The following ARMC8 variants were observed in gnomAD, a reference collection of about 807,000 sequenced individuals.
ARMC8 encodes armadillo repeat-containing protein 8.
Under a neutral mutation model 99.3 loss-of-function variants are expected in ARMC8, and 20 were observed. The ratio of observed to expected loss-of-function variants is 0.20; its 90% confidence interval spans 0.14 to 0.29. ARMC8 has a LOEUF of 0.29. Among genes scored for constraint, ARMC8 ranks in the 10% least tolerant of loss-of-function variants. The pLI is 1.00. For missense variants in ARMC8, 569 were observed against 809.5 expected (o/e 0.70, Z 3.60); for synonymous variants, 263 against 278.3 (o/e 0.95, Z 0.55).
At chr3:138,217,927 T>C (rs913443111) in intron 2 of ARMC8, among the ~76,000 whole-genome samples, 1 of 152,224 alleles carries the variant, frequency 6.6e-6, no homozygotes, top group East Asian at 1.9e-4. Flanking sequence ...TAAATCATCT[T>C]GTTAACTGCT....
intron 1 of ARMC8, among the ~76,000 whole-genome samples, chr3:138,190,372 C>T (rs761633270): frequency 8.6e-5 from 13 of 151,198 alleles, no homozygotes; most frequent in Non-Finnish European, 1.6e-4. Flanking sequence ...CTGCAACCAC[C>T]GCCTCCGGGG....
At chr3:138,292,225 A>G (rs1235974703) in intron 21 of ARMC8, among the ~76,000 whole-genome samples, 1 of 152,064 alleles carries the variant, frequency 6.6e-6, no homozygotes, top group Non-Finnish European at 1.5e-5. Context: ...TTTTTAGTAG[A>G]GACAGGGTTT....
intron 18 of ARMC8, among the ~76,000 whole-genome samples, chr3:138,281,714 G>T (rs759321596): frequency 6.6e-6 from 1 of 152,080 alleles, no homozygotes; most frequent in East Asian, 1.9e-4. Context: ...ATGCATGGGC[G>T]TATTCTAACA....
intron 20 of ARMC8, 55 bp from the exon 21 acceptor site, chr3:138,290,491 C>T: frequency 1.5e-6 from 2 of 1,298,866 alleles, no homozygotes; most frequent in Non-Finnish European, 2.2e-6. Context: ...AATTGTACAT[C>T]AAAGAGAGCA....
chr3:138,226,439 TA>T (rs2045701796), intron 5 of ARMC8, among the ~76,000 whole-genome samples: 1 of 152,232 alleles, frequency 6.6e-6, no homozygotes, highest in Admixed American at 6.5e-5. Context: ...CAGGGTTTGC[TA>T]GACCCCACCT....
intron 12 of ARMC8, among the ~76,000 whole-genome samples, chr3:138,258,826 C>A (rs960063024): frequency 6.6e-6 from 1 of 152,198 alleles, no homozygotes; most frequent in African/African-American, 2.4e-5. Flanking sequence ...ACAGCCCAGG[C>A]CCCTAGAAAA....
chr3:138,246,251 A>G (rs1207415729), intron 12 of ARMC8: 6 of 985,660 alleles, frequency 6.1e-6, no homozygotes, highest in African/African-American at 1.7e-5. Flanking sequence ...AAAAAGCACA[A>G]CTAATAAATT....
intron 18 of ARMC8, among the ~76,000 whole-genome samples, chr3:138,279,406 A>G (rs2049647272): frequency 1.3e-5 from 2 of 152,144 alleles, no homozygotes. Flanking sequence ...TAATTTAGTC[A>G]TTATGTATTA....
intron 2 of ARMC8, among the ~76,000 whole-genome samples, chr3:138,219,399 G>T (rs1465769518): frequency 6.6e-6 from 1 of 152,192 alleles, no homozygotes; most frequent in Non-Finnish European, 1.5e-5. Context: ...CTAACAAAGT[G>T]ATGACCTGGG....
intron 18 of ARMC8, among the ~76,000 whole-genome samples, 187 bp from the exon 19 acceptor site, chr3:138,284,244 G>C (rs2050194733): frequency 6.6e-6 from 1 of 152,188 alleles, no homozygotes; most frequent in Admixed American, 6.5e-5. Flanking sequence ...TTTTGCCTAA[G>C]GTAGATTTTG....
At chr3:138,224,062 C>T (rs76783648) in intron 5 of ARMC8, among the ~76,000 whole-genome samples, 1 of 150,686 alleles carries the variant, frequency 6.6e-6, no homozygotes, top group Non-Finnish European at 1.5e-5. Flanking sequence ...CAGGTTTAAG[C>T]ATTTCTCTGC....
At chr3:138,270,677 C>T (rs1248655688) in intron 16 of ARMC8, among the ~76,000 whole-genome samples, 1 of 152,070 alleles carries the variant, frequency 6.6e-6, no homozygotes, top group Non-Finnish European at 1.5e-5. Context: ...TATTACCTCA[C>T]ATATTTAACC....
intron 1 of ARMC8, among the ~76,000 whole-genome samples, chr3:138,191,277 C>A (rs1050800100): frequency 1.3e-5 from 2 of 152,194 alleles, no homozygotes; most frequent in Admixed American, 6.5e-5. Flanking sequence ...CTTTGGTTTG[C>A]ATTTAACATT....
At chr3:138,281,790 A>G (rs996590026) in intron 18 of ARMC8, among the ~76,000 whole-genome samples, 1 of 152,164 alleles carries the variant, frequency 6.6e-6, no homozygotes, top group African/African-American at 2.4e-5. Context: ...CTTCCCTGGA[A>G]TTCCCCTTTA....
chr3:138,194,309 C>T (rs1430464675), intron 1 of ARMC8, among the ~76,000 whole-genome samples: 19 of 145,090 alleles, frequency 1.3e-4, no homozygotes, highest in Non-Finnish European at 2.8e-4. Context: ...TCCCAAAATG[C>T]TGGGATTACA....
At chr3:138,188,330 C>A in intron 1 of ARMC8, 1 of 1,260,618 alleles carries the variant, frequency 7.9e-7, no homozygotes, top group Non-Finnish European at 1.0e-6. Context: ...ATTTATTTCC[C>A]CATTGTTGAA....
chr3:138,262,617 A>C (rs1560008371), intron 12 of ARMC8: 31 of 1,558,158 alleles, frequency 2.0e-5, no homozygotes, highest in Non-Finnish European at 2.7e-5. Context: ...AAAAAAATTT[A>C]GGTGCCTAGC....
chr3:138,244,989 A>G, intron 11 of ARMC8, 99 bp from the exon 12 acceptor site: 1 of 1,433,796 alleles, frequency 7.0e-7, no homozygotes, highest in East Asian at 2.4e-5. Flanking sequence ...ATTCACTAAA[A>G]TCTAAAAGTT....
chr3:138,236,733 A>G (rs1285456586), intron 7 of ARMC8, among the ~76,000 whole-genome samples: 1 of 151,162 alleles, frequency 6.6e-6, no homozygotes, highest in Admixed American at 6.6e-5. Context: ...AATGGAAAGA[A>G]TTAAAAAAAA....
Sources: gnomAD v4.1 joint callset for allele counts (sites outside exome capture counted in the v4.1 genomes callset) on GRCh38, gnomAD v4.1.1 for gene constraint, MANE v1.5 for transcripts, NCBI Gene and HGNC (gene_info 2026-07-23, HGNC 2026-07-21) for gene names.